Variants in SUGCT observed in about 807,000 individuals in gnomAD.
SUGCT encodes succinyl-CoA:glutarate CoA-transferase.
SUGCT carries 41 observed loss-of-function variants against 55.0 expected under a neutral mutation model. The observed-to-expected ratio is 0.74, with a 90% CI of 0.58 to 0.97. The LOEUF is 0.97. Among genes scored for constraint, SUGCT ranks in the 50% least tolerant of loss-of-function variants. The probability of loss-of-function intolerance (pLI) is 0.00; values close to 1 mark genes in which losing one functional copy is unlikely to be tolerated. For synonymous variants in SUGCT, 187 were observed against 200.4 expected, an observed-to-expected ratio of 0.93 and a Z score of 0.56; for missense variants, 568 against 547.8, an observed-to-expected ratio of 1.04 and a Z score of -0.37.
intron 12 of SUGCT, among the ~76,000 whole-genome samples, chr7:40,553,032 C>T (rs1485179141): frequency 6.6e-6 from 1 of 152,130 alleles, no homozygotes; most frequent in Non-Finnish European, 1.5e-5. Flanking sequence ...AAGATATTTA[C>T]TTGCAGAATT....
At chr7:41,036,091 G>A in the SUGCT span, among the ~76,000 whole-genome samples, 1 of 152,182 alleles carries the variant, frequency 6.6e-6, no homozygotes, top group Non-Finnish European at 1.5e-5. Flanking sequence ...CCTCACTGTG[G>A]GAAGTCTTGC....
In SUGCT at chr7:40,860,273, G is replaced by T. The variant is rs144280399; in HGVS notation, c.1154-43G>T. 678 of 1,612,778 alleles carry T rather than the reference G, an allele frequency of 4.2e-4. 8 individuals are homozygous for T. In the East Asian group the frequency reaches 0.015, roughly 36 times the overall value. On this transcript the variant is annotated intron_variant, in intron 13 of 13. Coordinates refer to ENST00000335693, the MANE Select transcript of SUGCT (RefSeq NM_001193313.2). ...CTGCTTAGGTAATTAATTTCGTAGG[G>T]TTAGTCATTAACAGGCTTCCTGCTT... is the stretch of plus-strand genomic sequence containing the variant.
intron 12 of SUGCT, among the ~76,000 whole-genome samples, chr7:40,746,456 G>T (rs749728662): frequency 2.0e-4 from 30 of 152,284 alleles, no homozygotes; most frequent in Non-Finnish European, 3.7e-4. Flanking sequence ...TGAACACGGG[G>T]CTCACACCAG....
intron 10 of SUGCT, among the ~76,000 whole-genome samples, chr7:40,456,184 C>G (rs1316395434): frequency 6.6e-6 from 1 of 151,944 alleles, no homozygotes; most frequent in East Asian, 1.9e-4. Flanking sequence ...CACCGTCATG[C>G]CTGAATAATT....
At chr7:40,995,821 A>T in the SUGCT span, among the ~76,000 whole-genome samples, 1 of 152,094 alleles carries the variant, frequency 6.6e-6, no homozygotes, top group African/African-American at 2.4e-5. Flanking sequence ...ACAGTCTCCA[A>T]TCTCCTTCAG....
At chr7:40,299,263 G>A (rs1428855840) in intron 8 of SUGCT, among the ~76,000 whole-genome samples, 1 of 152,146 alleles carries the variant, frequency 6.6e-6, no homozygotes, top group Non-Finnish European at 1.5e-5. Context: ...TGATGGATAT[G>A]GACTAAAGAG....
intron 12 of SUGCT, among the ~76,000 whole-genome samples, chr7:40,682,556 C>T (rs1345710246): frequency 6.6e-6 from 1 of 152,200 alleles, no homozygotes; most frequent in Non-Finnish European, 1.5e-5. Context: ...ACAGAGCACT[C>T]AGTTGATGTC....
At chr7:40,517,417 C>G (rs143977297) in intron 12 of SUGCT, among the ~76,000 whole-genome samples, 3,583 of 152,138 alleles carry the variant, frequency 0.024, 55 homozygotes, top group Non-Finnish European at 0.034. Context: ...ATATCCTTGT[C>G]TTGTTTCTGA....
At chr7:40,703,355 C>G (rs186275878) in intron 12 of SUGCT, among the ~76,000 whole-genome samples, 10 of 152,088 alleles carry the variant, frequency 6.6e-5, no homozygotes, top group African/African-American at 2.4e-4. Context: ...TTCTTTTGAA[C>G]AGATTTTTCC....
At chr7:40,702,190 G>A (rs935459033) in intron 12 of SUGCT, among the ~76,000 whole-genome samples, 1 of 152,200 alleles carries the variant, frequency 6.6e-6, no homozygotes, top group African/African-American at 2.4e-5. Context: ...TCTAAGTGGT[G>A]ATAGAGAGAT....
intron 12 of SUGCT, among the ~76,000 whole-genome samples, chr7:40,565,787 C>T (rs1796100356): frequency 6.6e-6 from 1 of 152,154 alleles, no homozygotes; most frequent in Non-Finnish European, 1.5e-5. Flanking sequence ...CAAGCTCACA[C>T]TTTGGCATTC....
Position 40,636,027 on chromosome 7 carries a change from A to G in SUGCT, c.1090-113407A>G, listed in dbSNP as rs142520887. Among the ~76,000 whole-genome samples, 243 of 152,300 alleles carry G rather than the reference A, an allele frequency of 1.6e-3. 1 individual carries two copies. Among genetic ancestry groups the G allele is most frequent in the African/African-American group, 5.7e-3 (235 of 41,564 alleles). ...TATTCAGCTGATATATACCTATGTG[A>G]TGTACTGGCCAGCATTCACCACGAC... On this transcript the variant is annotated intron_variant, in intron 12 of 13. Transcript: ENST00000335693.
chr7:40,147,319 C>A (rs1220441966), intron 1 of SUGCT, among the ~76,000 whole-genome samples: 1 of 152,144 alleles, frequency 6.6e-6, no homozygotes, highest in African/African-American at 2.4e-5. Flanking sequence ...AGGTTCAACC[C>A]CCCCATCATG....
intron 13 of SUGCT, among the ~76,000 whole-genome samples, chr7:40,778,947 G>A (rs1021732193): frequency 6.6e-6 from 1 of 152,102 alleles, no homozygotes; most frequent in Non-Finnish European, 1.5e-5. Context: ...GCCACCTCAG[G>A]AATGTTAGCA....
At chr7:40,529,554 C>G (rs1426788551) in intron 12 of SUGCT, among the ~76,000 whole-genome samples, 1 of 152,188 alleles carries the variant, frequency 6.6e-6, no homozygotes, top group Admixed American at 6.5e-5. Flanking sequence ...CTGCGCAGAT[C>G]GCAGGACATT....
intron 13 of SUGCT, among the ~76,000 whole-genome samples, chr7:40,828,664 G>A (rs2128774929): frequency 6.6e-6 from 1 of 150,548 alleles, no homozygotes; most frequent in African/African-American, 2.4e-5. Flanking sequence ...ACATTAATTT[G>A]AAAAACATAC....
chr7:40,513,936 C>T (rs767102689), intron 12 of SUGCT, among the ~76,000 whole-genome samples: 6 of 151,594 alleles, frequency 4.0e-5, no homozygotes, highest in Admixed American at 1.3e-4. Context: ...ACTACAGTCA[C>T]CTGCCACCAT....
chr7:41,015,295 T>G, the SUGCT span, among the ~76,000 whole-genome samples: 1 of 152,156 alleles, frequency 6.6e-6, no homozygotes, highest in Non-Finnish European at 1.5e-5. Flanking sequence ...ATGATGATAA[T>G]ATATATATGT....
At chr7:40,623,718 G>A (rs1799381968) in intron 12 of SUGCT, among the ~76,000 whole-genome samples, 2 of 151,996 alleles carry the variant, frequency 1.3e-5, no homozygotes, top group South Asian at 4.2e-4. Context: ...GCACGCACAT[G>A]CACTCATACA....
Sources: gnomAD v4.1 joint callset for allele counts (sites outside exome capture counted in the v4.1 genomes callset) on GRCh38, gnomAD v4.1.1 for gene constraint, MANE v1.5 for transcripts, NCBI Gene and HGNC (gene_info 2026-07-23, HGNC 2026-07-21) for gene names.